The following MYO5B variants were observed in gnomAD, a reference collection of about 807,000 sequenced individuals.
MYO5B encodes the protein myosin VB, also known as unconventional myosin-Vb.
MYO5B carries 143 observed loss-of-function variants against 229.3 expected under a neutral mutation model. The observed-to-expected ratio is 0.62, with a 90% CI of 0.54 to 0.72. The LOEUF (loss-of-function observed/expected upper bound fraction) is 0.72, where lower values mean the gene tolerates loss of function less well. MYO5B is among the 30% of genes least tolerant of loss of function. MYO5B has a pLI of 0.00. For synonymous variants in MYO5B, 918 were observed against 885.2 expected (o/e 1.04, Z -0.66); for missense variants, 2,321 against 2,331.0 (o/e 1.00, Z 0.09).
chr18:50,152,121 C>T (rs2032608172), intron 1 of MYO5B, among the ~76,000 whole-genome samples: 1 of 152,212 alleles, frequency 6.6e-6, no homozygotes, highest in Non-Finnish European at 1.5e-5. Flanking sequence ...AAGACCAATA[C>T]ATTATACAGC....
intron 1 of MYO5B, among the ~76,000 whole-genome samples, chr18:50,155,126 G>A (rs111883186): frequency 6.6e-6 from 1 of 152,136 alleles, no homozygotes; most frequent in Admixed American, 6.5e-5. Flanking sequence ...CATACGTAAG[G>A]TTTCCAGTAC....
chr18:50,193,319 C>T (rs2033253682), intron 1 of MYO5B, among the ~76,000 whole-genome samples: 1 of 152,222 alleles, frequency 6.6e-6, no homozygotes, highest in Non-Finnish European at 1.5e-5. Flanking sequence ...CTGATCGCTG[C>T]ACAGGTGGCC....
At chr18:50,087,073 T>A (rs1347317375) in intron 1 of MYO5B, among the ~76,000 whole-genome samples, 1 of 152,196 alleles carries the variant, frequency 6.6e-6, no homozygotes, top group South Asian at 2.1e-4. Flanking sequence ...GTAACCACCA[T>A]GCCATGGACA....
chr18:49,864,061 G>T (rs566876295), intron 28 of MYO5B, 80 bp downstream of exon 28: 2 of 1,581,924 alleles, frequency 1.3e-6, no homozygotes, highest in African/African-American at 2.7e-5. Context: ...ACCCTCGTGG[G>T]TAAAGATAAT....
intron 14 of MYO5B, among the ~76,000 whole-genome samples, chr18:49,948,373 A>G (rs985115153): frequency 1.3e-5 from 2 of 151,544 alleles, no homozygotes; most frequent in Non-Finnish European, 2.9e-5. Context: ...AGGGTTTTAA[A>G]TAGGCTTTGG....
At chr18:49,887,954 G>A (rs2024664000) in intron 22 of MYO5B, among the ~76,000 whole-genome samples, 1 of 152,062 alleles carries the variant, frequency 6.6e-6, no homozygotes, top group Admixed American at 6.6e-5. Context: ...CCAAAGTGCT[G>A]GGATTACAGA....
At chr18:50,055,240 C>G (rs764114564) in intron 2 of MYO5B, 28 bp downstream of exon 2, 2 of 861,194 alleles carry the variant, frequency 2.3e-6, no homozygotes, top group Non-Finnish European at 3.9e-6. Flanking sequence ...ACCTCACCCC[C>G]GCCCCCCTGC....
intron 25 of MYO5B, among the ~76,000 whole-genome samples, chr18:49,877,496 A>G (rs1002903154): frequency 2.1e-5 from 3 of 144,760 alleles, no homozygotes; most frequent in Non-Finnish European, 4.5e-5. Flanking sequence ...TTGGTTTTTC[A>G]AGAGGAATCA....
chr18:49,991,444 G>A (rs1284945824), intron 6 of MYO5B, among the ~76,000 whole-genome samples: 1 of 152,180 alleles, frequency 6.6e-6, no homozygotes, highest in Non-Finnish European at 1.5e-5. Flanking sequence ...GGAGGGTAAA[G>A]GGAGCTGGAG....
At chr18:50,040,335 GAC>G in intron 2 of MYO5B, 21 bp from the exon 3 acceptor site, 1 of 1,612,474 alleles carries the variant, frequency 6.2e-7, no homozygotes, top group African/African-American at 1.3e-5. Context: ...GCAAGTAGCA[GAC>G]ACAAAAAGGT....
rs375481334 is a variant in MYO5B, at chr18:50,168,676, C to T, written c.27+26091G>A. On this transcript the variant is annotated intron_variant, in intron 1 of 39. Coordinates refer to ENST00000285039, the MANE Select transcript of MYO5B (RefSeq NM_001080467.3). ...GAATCTCAGACACCACGACCCCTAACCAGGTCTTGGTCAATCACCCTCCTC... is the reference window on the plus strand; with the variant it reads ...GAATCTCAGACACCACGACCCCTAATCAGGTCTTGGTCAATCACCCTCCTC... 7.5e-4 allele frequency among the ~76,000 whole-genome samples: 49 copies of T among 64,986 alleles called. 11 individuals carry two copies. Among genetic ancestry groups the T allele is most frequent in the African/African-American group, 2.8e-3 (47 of 16,692 alleles). 42.6% of individuals were successfully genotyped at this position (64,986 alleles called of 152,430 possible). A position where few individuals can be genotyped will look rare whatever the true frequency, so the allele number is the denominator to read the frequency against.
intron 4 of MYO5B, among the ~76,000 whole-genome samples, chr18:50,029,293 A>C (rs932338004): frequency 5.9e-5 from 9 of 152,218 alleles, no homozygotes; most frequent in African/African-American, 2.2e-4. Context: ...AGGGAAGAAC[A>C]GGGACAAGTG....
At chr18:49,928,972 G>C (rs1168422222) in intron 17 of MYO5B, among the ~76,000 whole-genome samples, 1 of 152,106 alleles carries the variant, frequency 6.6e-6, no homozygotes. Flanking sequence ...TGGGGGAAAG[G>C]GGGGTGATGG....
intron 5 of MYO5B, among the ~76,000 whole-genome samples, chr18:50,000,667 C>T (rs1251358024): frequency 2.0e-5 from 3 of 152,266 alleles, no homozygotes; most frequent in African/African-American, 2.4e-5. Context: ...CTAGTCCAGC[C>T]CCTATCATGA....
chr18:50,065,247 C>T (rs565044494), intron 1 of MYO5B, among the ~76,000 whole-genome samples: 61 of 152,338 alleles, frequency 4.0e-4, no homozygotes, highest in African/African-American at 1.4e-3. Context: ...CAAGTATTTA[C>T]TGAAGACCTC....
chr18:50,182,532 C>A (rs2033087518), intron 1 of MYO5B, among the ~76,000 whole-genome samples: 1 of 152,220 alleles, frequency 6.6e-6, no homozygotes, highest in Non-Finnish European at 1.5e-5. Flanking sequence ...TTAGGATATT[C>A]AAACACAAGG....
intron 1 of MYO5B, among the ~76,000 whole-genome samples, chr18:50,152,154 G>C (rs949609172): frequency 2.6e-5 from 4 of 152,208 alleles, no homozygotes; most frequent in African/African-American, 7.2e-5. Flanking sequence ...AGGCCTTCGT[G>C]AAAAGCACAG....
chr18:50,122,108 AAGC>A (rs2032067617), intron 1 of MYO5B, among the ~76,000 whole-genome samples: 1 of 152,170 alleles, frequency 6.6e-6, no homozygotes, highest in African/African-American at 2.4e-5. Flanking sequence ...CTCGTGGAAA[AAGC>A]AGGGTGCTGT....
intron 29 of MYO5B, among the ~76,000 whole-genome samples, chr18:49,859,235 G>T (rs1487897372): frequency 1.3e-5 from 2 of 152,200 alleles, no homozygotes; most frequent in African/African-American, 4.8e-5. Flanking sequence ...GTAGCCTACT[G>T]AATTATCGCA....
Sources: allele counts gnomAD v4.1 joint callset (sites outside exome capture counted in the v4.1 genomes callset), GRCh38; gene constraint gnomAD v4.1.1; transcripts MANE v1.5; gene names NCBI Gene and HGNC (gene_info 2026-07-23, HGNC 2026-07-21).